ADCY2: variants seen among roughly 807,000 people sequenced by gnomAD.
ADCY2 encodes adenylate cyclase 2.
A neutral mutation model predicts 125.2 loss-of-function variants in ADCY2; 31 were observed. The ratio of observed to expected loss-of-function variants is 0.25; its 90% CI spans 0.19 to 0.33. The LOEUF (loss-of-function observed/expected upper bound fraction) is 0.33. ADCY2 is among the 10% of genes least tolerant of loss of function. The probability of loss-of-function intolerance (pLI) is 1.00; values close to 1 mark genes in which losing one functional copy is unlikely to be tolerated. For missense variants in ADCY2, 904 were observed against 1,418.2 expected, an observed-to-expected ratio of 0.64 and a Z score of 5.82; for synonymous variants, 512 against 548.4, an observed-to-expected ratio of 0.93 and a Z score of 0.93.
At position 7,693,703 on chromosome 5, in the gene ADCY2, G is replaced by C. The variant is rs548360958; in HGVS notation, c.870-2049G>C. Among the ~76,000 whole-genome samples, 11 of 152,250 alleles carry C rather than the reference G, an allele frequency of 7.2e-5. No homozygotes were observed. In the South Asian group the frequency reaches 2.1e-3, roughly 29 times the overall value. On this transcript the variant is annotated intron_variant, in intron 5 of 24. Coordinates refer to ENST00000338316, the MANE Select transcript of ADCY2 (RefSeq NM_020546.3). ...CTCCCAAAGTGCTGGGATTACAGGC[G>C]TGAGCCACCACGCCCGGCCATCTGC...
chr5:7,776,781 T>C (rs1038875103), intron 18 of ADCY2, among the ~76,000 whole-genome samples: 5 of 152,318 alleles, frequency 3.3e-5, no homozygotes, highest in South Asian at 2.1e-4. Flanking sequence ...CTGGCTCTTA[T>C]GGTTTTCATC....
intron 14 of ADCY2, among the ~76,000 whole-genome samples, chr5:7,731,697 A>G (rs1334746507): frequency 6.6e-6 from 1 of 150,964 alleles, no homozygotes. Context: ...TCTGCCTCCC[A>G]GGTTCAAGCA....
chr5:7,422,026 A>T (rs1194869107), intron 2 of ADCY2, among the ~76,000 whole-genome samples: 1 of 152,204 alleles, frequency 6.6e-6, no homozygotes, highest in Non-Finnish European at 1.5e-5. Context: ...TTGTTGATTT[A>T]TCTCTGCCCT....
Position 7,558,117 on chromosome 5 carries a change from A to G in ADCY2, c.570+37218A>G, listed in dbSNP as rs554342076. 3.6e-4 allele frequency among the ~76,000 whole-genome samples: 55 copies of G among 151,988 alleles called. 1 individual carries two copies. The South Asian group carries it at 6.5e-3, about 18-fold the overall frequency. On this transcript the variant is annotated intron_variant, in intron 3 of 24. Transcript: ENST00000338316. ...GCCCAGGCTGTAGTGCAGTGGCACA[A>G]TCTCGGCTCACTGCAACCCCTGCCA...
chr5:7,718,832 C>T (rs1252535349), intron 12 of ADCY2, among the ~76,000 whole-genome samples: 4 of 152,022 alleles, frequency 2.6e-5, no homozygotes, highest in Non-Finnish European at 5.9e-5. Flanking sequence ...AATCTAACAG[C>T]AGCTAAAACC....
chr5:7,557,074 GT>G (rs970874343), intron 3 of ADCY2, among the ~76,000 whole-genome samples: 4 of 151,182 alleles, frequency 2.6e-5, no homozygotes, highest in African/African-American at 4.9e-5. Context: ...AGGAGAGGAT[GT>G]TTTCAATGAA....
chr5:7,544,321 C>T (rs1735086696), intron 3 of ADCY2, among the ~76,000 whole-genome samples: 1 of 152,174 alleles, frequency 6.6e-6, no homozygotes, highest in South Asian at 2.1e-4. Flanking sequence ...AAATACAAAG[C>T]CAGTTTCATT....
chr5:7,809,095 C>G (rs58791017), intron 22 of ADCY2, among the ~76,000 whole-genome samples: 19,164 of 152,070 alleles, frequency 0.13, 3,570 homozygotes, highest in African/African-American at 0.41. Flanking sequence ...GACTCCATGG[C>G]CATAGTAAGT....
Position 7,643,298 on chromosome 5 carries a change from A to G in ADCY2, c.720+16982A>G, listed in dbSNP as rs1738776511. The stretch of plus-strand genomic sequence containing the variant: ...CAGCATGAATTTTACCTGATTATAA[A>G]TAATATCCAGTAATACTGTTGGGAC... On this transcript the variant is annotated intron_variant, in intron 4 of 24. Coordinates refer to ENST00000338316, the MANE Select transcript of ADCY2 (RefSeq NM_020546.3). 2.0e-5 allele frequency among the ~76,000 whole-genome samples: 3 copies of G among 152,210 alleles called. No individual in the cohort carries two copies. In the South Asian group the frequency reaches 6.2e-4, roughly 32 times the overall value.
At position 7,695,776 on chromosome 5, in the gene ADCY2, C is replaced by T; in HGVS notation, c.894C>T (p.Gly298=). The T allele has an allele frequency of 6.2e-7, 1 of 1,612,644 alleles. No homozygotes were observed. The highest frequency in any genetic ancestry group is 1.1e-5 in the South Asian group (1 of 90,932). The change falls in exon 6 of 25, where the codon GGC becomes GGT. Residue 298 remains glycine, a synonymous_variant. Coordinates refer to ENST00000338316, the MANE Select transcript of ADCY2 (RefSeq NM_020546.3). Reference sequence around the variant, plus strand: ...GCATCTTATACGCTGACATCGTTGGCTTTACCCGGCTGGCAAGTGACTGCT... The same window carrying T: ...GCATCTTATACGCTGACATCGTTGGTTTTACCCGGCTGGCAAGTGACTGCT... ...NVSILYADIV[G]FTRLASDCSP...
At chr5:7,575,800 A>C (rs774391833) in intron 3 of ADCY2, among the ~76,000 whole-genome samples, 1 of 152,220 alleles carries the variant, frequency 6.6e-6, no homozygotes, top group Non-Finnish European at 1.5e-5. Context: ...TCTAACACCA[A>C]TGCTAAAAAA....
chr5:7,431,479 GT>G (rs1234813185), intron 2 of ADCY2, among the ~76,000 whole-genome samples: 4 of 151,792 alleles, frequency 2.6e-5, no homozygotes, highest in Non-Finnish European at 5.9e-5. Context: ...TAGTACCCTT[GT>G]GTTAGAAAAT....
chr5:7,405,845 A>G (rs1379504279), intron 1 of ADCY2, among the ~76,000 whole-genome samples: 2 of 152,138 alleles, frequency 1.3e-5, no homozygotes, highest in Non-Finnish European at 2.9e-5. Flanking sequence ...GTCACCCAAT[A>G]TATAGTTTAT....
intron 4 of ADCY2, among the ~76,000 whole-genome samples, chr5:7,687,017 GT>G (rs1455492775): frequency 1.3e-5 from 2 of 152,192 alleles, no homozygotes; most frequent in East Asian, 3.9e-4. Context: ...AGTGGTGCCA[GT>G]GTTGAATGAT....
At chr5:7,397,984 G>A (rs1315131516) in intron 1 of ADCY2, among the ~76,000 whole-genome samples, 1 of 152,184 alleles carries the variant, frequency 6.6e-6, no homozygotes, top group Non-Finnish European at 1.5e-5. Flanking sequence ...GACTTGGGGA[G>A]AGACTTCTGC....
At chr5:7,759,064 G>A (rs550829665) in intron 16 of ADCY2, among the ~76,000 whole-genome samples, 166 of 152,248 alleles carry the variant, frequency 1.1e-3, no homozygotes, top group Middle Eastern at 3.4e-3. Flanking sequence ...CCTCTCCATC[G>A]CTTTGTGTAG....
intron 4 of ADCY2, chr5:7,685,084 A>G (rs117460965): frequency 0.012 from 1,839 of 152,356 alleles, 29 homozygotes; most frequent in African/African-American, 0.033. Context: ...TGCAAGGAAC[A>G]TACGACCCAG....
chr5:7,779,349 G>T (rs1643449758), intron 18 of ADCY2, among the ~76,000 whole-genome samples: 1 of 152,124 alleles, frequency 6.6e-6, no homozygotes, highest in Non-Finnish European at 1.5e-5. Context: ...ATAGGGGAAG[G>T]GTTTCACAGG....
chr5:7,631,533 A>G lies in ADCY2; in HGVS notation c.720+5217A>G, dbSNP rs73050158. ...TGATCTCTGGGAATGTTAACTGGAG[A>G]TTTTCCAGGACGTGAAGGACTCTCT... On this transcript the variant is annotated intron_variant, in intron 4 of 24. Transcript: ENST00000338316. Among the ~76,000 whole-genome samples the G allele has an allele frequency of 7.9e-3, 1,196 of 152,148 alleles. 18 individuals are homozygous for G. The highest frequency in any genetic ancestry group is 0.027 in the African/African-American group (1,125 of 41,506).
Sources: allele counts gnomAD v4.1 joint callset (sites outside exome capture counted in the v4.1 genomes callset), GRCh38; gene constraint gnomAD v4.1.1; transcripts MANE v1.5; gene names NCBI Gene and HGNC (gene_info 2026-07-23, HGNC 2026-07-21).